The following SLC43A1 variants were observed in gnomAD, a reference collection of about 807,000 sequenced individuals.
SLC43A1 encodes the protein large neutral amino acids transporter small subunit 3.
A neutral mutation model predicts 59.5 loss-of-function variants in SLC43A1; 31 were observed. The ratio of observed to expected loss-of-function variants is 0.52; its 90% confidence interval spans 0.39 to 0.70. The LOEUF (loss-of-function observed/expected upper bound fraction) is 0.70, where lower values mean the gene tolerates loss of function less well. SLC43A1 is among the 30% of genes least tolerant of loss of function. SLC43A1 has a pLI of 0.00. For synonymous variants in SLC43A1, 259 were observed against 290.9 expected (o/e 0.89, Z 1.12); for missense variants, 598 against 717.8 (o/e 0.83, Z 1.91).
In SLC43A1 at chr11:57,501,229, GA is replaced by G; in HGVS notation, c.254del (p.Phe85SerfsTer50). 2 of 1,612,476 alleles carry G rather than the reference GA, an allele frequency of 1.2e-6. No individual in the cohort carries two copies. Among genetic ancestry groups the G allele is most frequent in the Non-Finnish European group, 1.7e-6 (2 of 1,180,032 alleles). On this transcript the variant is annotated frameshift_variant, in exon 3 of 15. Transcript: ENST00000278426. LOFTEE classifies it high-confidence loss of function. Reference protein sequence around the residue: ...MLNLGFTIGSFVLSATTLPLG... With the variant: ...MLNLGFTIGSXVLSATTLPLG... Reference sequence around the variant, plus strand: ...GTGGCAGGGTGGTGGCGCTGAGCACGAAGGAACCAATGGTGAAGCCCAGGTT... The same window carrying G: ...GTGGCAGGGTGGTGGCGCTGAGCACGAGGAACCAATGGTGAAGCCCAGGTT...
At chr11:57,498,864 C>T (rs1261666194) in intron 5 of SLC43A1, among the ~76,000 whole-genome samples, 2 of 152,200 alleles carry the variant, frequency 1.3e-5, no homozygotes, top group Non-Finnish European at 2.9e-5. Context: ...CAGGGGAAGG[C>T]AAAGTCAGGA....
intron 2 of SLC43A1, among the ~76,000 whole-genome samples, chr11:57,504,930 T>A (rs918982877): frequency 3.3e-5 from 5 of 152,234 alleles, no homozygotes; most frequent in Non-Finnish European, 5.9e-5. Context: ...AAAATCCAAA[T>A]TCTGAACTAA....
Position 57,491,607 on chromosome 11 carries a change from T to C in SLC43A1, c.1038A>G (p.Gln346=), listed in dbSNP as rs752377555. The C allele has an allele frequency of 2.4e-5, 39 of 1,614,012 alleles. No individual in the cohort carries two copies. Among genetic ancestry groups the C allele is most frequent in the Admixed American group, 3.3e-5 (2 of 60,016 alleles). The stretch of plus-strand genomic sequence containing the variant: ...TAGCCCTACCTGTCTCTGCCACCTT[T>C]TGTTGCTGTTCATTTGTCTCTGTGG... ...GQEHETNEQQ[Q]KVAETVGFYS... is the part of the protein sequence containing the mutation. Residue 346 remains glutamine (Q), a synonymous_variant, in exon 10 of 15, where the codon CAA becomes CAG. Transcript: ENST00000278426.
At chr11:57,497,139 A>G (rs1425137298) in intron 6 of SLC43A1, among the ~76,000 whole-genome samples, 2 of 152,224 alleles carry the variant, frequency 1.3e-5, no homozygotes, top group African/African-American at 4.8e-5. Flanking sequence ...TACTCTTTGT[A>G]AAGTGCAAAA....
Position 57,485,239 on chromosome 11 carries a change from T to TCA in SLC43A1, c.1535_1536dup (p.Asn513Ter). 6.2e-7 allele frequency: 1 copy of TCA among 1,612,168 alleles called. No homozygotes were observed. Among genetic ancestry groups the TCA allele is most frequent in the Non-Finnish European group, 8.5e-7 (1 of 1,179,000 alleles). On this transcript the variant is annotated frameshift_variant, in exon 15 of 15. Transcript: ENST00000278426. LOFTEE classifies it low-confidence loss of function (END_TRUNC). ...AGTGAGAATAGCAGGAGGCCCAGAT[T>TCA]CACCTTTAGGGCAAGGAGAGAGAAA...
chr11:57,493,731 G>A (rs2135166391), intron 8 of SLC43A1, among the ~76,000 whole-genome samples: 1 of 152,278 alleles, frequency 6.6e-6, no homozygotes, highest in African/African-American at 2.4e-5. Flanking sequence ...TACCCGACAG[G>A]CCCAGAGACC....
At chr11:57,500,740 G>T in intron 5 of SLC43A1, 39 bp downstream of exon 5, 2 of 1,593,496 alleles carry the variant, frequency 1.3e-6, no homozygotes, top group Non-Finnish European at 8.6e-7. Flanking sequence ...CACCCCACTC[G>T]GGGGAACTCT....
chr11:57,488,945 G>A lies in SLC43A1; in HGVS notation c.1380C>T (p.His460=), dbSNP rs764712852. 6.2e-6 allele frequency: 10 copies of A among 1,614,086 alleles called. No homozygotes were observed. Among genetic ancestry groups the A allele is most frequent in the Non-Finnish European group, 8.5e-6 (10 of 1,180,022 alleles). ...VLHTIVRGFF[H]SACGSLYAAV... is the part of the protein sequence containing the mutation. ...CAGCATAGAGACTCCCACAGGCTGA[G>A]TGGAAGAAACCTCGAACAATGGTGT... Residue 460 remains histidine (H), a synonymous_variant, in exon 13 of 15, where the codon CAC becomes CAT. Transcript: ENST00000278426.
At position 57,484,674 on chromosome 11, in the gene SLC43A1, G is replaced by A. The variant is rs1943677377; in HGVS notation, c.*422C>T. On this transcript the variant is annotated 3_prime_UTR_variant, in exon 15 of 15. Transcript: ENST00000278426. ...TGGCACCTCAGGCCCCTTTCCTTCT[G>A]AAAGGAGGGCTGTGTCTCTCTCACA... The A allele has an allele frequency of 6.5e-6, 1 of 154,036 alleles. No homozygotes were observed. Among genetic ancestry groups the A allele is most frequent in the African/African-American group, 2.4e-5 (1 of 41,484 alleles). 9.5% of individuals were successfully genotyped at this position (154,036 alleles called of 1,614,324 possible). A position where few individuals can be genotyped will look rare whatever the true frequency, so the allele number is the denominator to read the frequency against.
In SLC43A1 at chr11:57,500,779, C is replaced by T. The variant is rs112450479; in HGVS notation, c.465G>A (p.Thr155=). The change falls in exon 5 of 15, where the codon ACG becomes ACA. Residue 155 remains threonine, a splice_region_variant and synonymous_variant. Coordinates refer to ENST00000278426, the MANE Select transcript of SLC43A1 (RefSeq NM_003627.6). ...GCCAGGCCAGGCCTGTGACACTCAC[C>T]GTGAGTGAAGTGAACGTTAGGCAGA... ...GGICLTFTSL[T]LPNMFGNLRS... 0.032 allele frequency: 52,415 copies of T among 1,613,810 alleles called. 990 individuals carry two copies. The highest frequency in any genetic ancestry group is 0.04 in the Non-Finnish European group (46,724 of 1,179,690).
Position 57,488,966 on chromosome 11 carries a change from G to T in SLC43A1, c.1359C>A (p.Thr453=). Residue 453 remains threonine, a synonymous_variant, in exon 13 of 15, where the codon ACC becomes ACA. Transcript: ENST00000278426. ...CTGAGTGGAAGAAACCTCGAACAAT[G>T]GTGTGCAGGACAAAGGTCACAAACT... is the stretch of plus-strand genomic sequence containing the variant. The part of the protein sequence containing the change: ...HLQFVTFVLH[T]IVRGFFHSAC... 1 of 1,614,176 alleles carries T rather than the reference G, an allele frequency of 6.2e-7. No individual in the cohort carries two copies. Among genetic ancestry groups the T allele is most frequent in the East Asian group, 2.2e-5 (1 of 44,882 alleles).
rs535148306 is a variant in SLC43A1 at position 57,495,409 on chromosome 11, A to G, written c.692+622T>C. On this transcript the variant is annotated intron_variant, in intron 7 of 14. Coordinates refer to ENST00000278426, the MANE Select transcript of SLC43A1 (RefSeq NM_003627.6). ...GGAGGCAGAGGTTGCAGTTCACTGA[A>G]ATCATGCCACTGCACTCCAGCCTGG... 9.9e-5 allele frequency among the ~76,000 whole-genome samples: 15 copies of G among 152,036 alleles called. No homozygotes were observed. In the South Asian group the frequency reaches 1.4e-3, roughly 15 times the overall value.
Position 57,491,642 on chromosome 11 carries a change from C to T in SLC43A1, c.1019-16G>A, listed in dbSNP as rs202018601. On this transcript the variant is annotated splice_polypyrimidine_tract_variant and intron_variant, in intron 9 of 14. Transcript: ENST00000278426. The stretch of plus-strand genomic sequence containing the variant: ...TCATTTGTCTCTGTGGGTAGGGAAA[C>T]GTATGGTGAGGGGAGCTCAGCCAGG... 414 of 1,614,162 alleles carry T rather than the reference C, an allele frequency of 2.6e-4. No individual in the cohort carries two copies. In the African/African-American group the frequency reaches 4.1e-3, roughly 16 times the overall value.
intron 13 of SLC43A1, among the ~76,000 whole-genome samples, chr11:57,487,462 GCC>G (rs1943774695): frequency 6.6e-6 from 1 of 152,134 alleles, no homozygotes; most frequent in Non-Finnish European, 1.5e-5. Flanking sequence ...AACTCCCTGA[GCC>G]CCACTTCCTC....
At chr11:57,487,331 A>G in intron 13 of SLC43A1, 113 bp from the exon 14 acceptor site, 1 of 1,344,084 alleles carries the variant, frequency 7.4e-7, no homozygotes, top group Non-Finnish European at 1.0e-6. Context: ...GTGGTGCTTA[A>G]GCGTTCGGGC....
rs563522538 is a variant in SLC43A1, at chr11:57,494,319, T to G, written c.693-148A>C. ...CAAGCTCCTAATGCAGAGCTTCTGTTTCTGTTGCTCAGAGCTTGGCTCAGG... is the reference window on the plus strand; with the variant it reads ...CAAGCTCCTAATGCAGAGCTTCTGTGTCTGTTGCTCAGAGCTTGGCTCAGG... On this transcript the variant is annotated intron_variant, in intron 7 of 14. Coordinates refer to ENST00000278426, the MANE Select transcript of SLC43A1 (RefSeq NM_003627.6). 8 of 693,482 alleles carry G rather than the reference T, an allele frequency of 1.2e-5. No individual in the cohort carries two copies. In the South Asian group the frequency reaches 1.6e-4, roughly 14 times the overall value. The allele number at this position is 693,482 out of a possible 1,614,324, so 43.0% of individuals were successfully genotyped here. A position where few individuals can be genotyped will look rare whatever the true frequency, so the allele number is the denominator to read the frequency against.
At chr11:57,504,308 C>G (rs1245864841) in intron 2 of SLC43A1, among the ~76,000 whole-genome samples, 2 of 152,208 alleles carry the variant, frequency 1.3e-5, no homozygotes, top group Non-Finnish European at 2.9e-5. Flanking sequence ...ACGTCCTCAC[C>G]TCTCTTTTAA....
At chr11:57,510,282 C>T (rs1944503785) in intron 2 of SLC43A1, among the ~76,000 whole-genome samples, 1 of 151,542 alleles carries the variant, frequency 6.6e-6, no homozygotes, top group Non-Finnish European at 1.5e-5. Context: ...CATGGTGAAA[C>T]CCCATCTCTA....
chr11:57,505,651 A>G (rs1944378255), intron 2 of SLC43A1, among the ~76,000 whole-genome samples: 1 of 152,216 alleles, frequency 6.6e-6, no homozygotes, highest in Non-Finnish European at 1.5e-5. Flanking sequence ...AGAATATTAC[A>G]CTTTAGAATG....
Sources: gnomAD v4.1 joint callset for allele counts (sites outside exome capture counted in the v4.1 genomes callset) on GRCh38, gnomAD v4.1.1 for gene constraint, MANE v1.5 for transcripts, NCBI Gene and HGNC (gene_info 2026-07-23, HGNC 2026-07-21) for gene names.